The following MYH9 variants were observed in gnomAD, a reference collection of about 807,000 sequenced individuals.
The protein encoded by MYH9 is myosin heavy chain 9, also known as myosin-9.
MYH9 carries 29 observed loss-of-function variants against 241.9 expected under a neutral mutation model. The ratio of observed to expected loss-of-function variants is 0.12; its 90% CI spans 0.09 to 0.16. The LOEUF (loss-of-function observed/expected upper bound fraction) is 0.16, where lower values mean the gene tolerates loss of function less well. Among genes scored for constraint, MYH9 ranks in the 10% least tolerant of loss-of-function variants. MYH9 has a pLI of 1.00. For synonymous variants in MYH9, 1,047 were observed against 1,062.6 expected, an observed-to-expected ratio of 0.99 and a Z score of 0.29; for missense variants, 1,803 against 2,595.5, an observed-to-expected ratio of 0.69 and a Z score of 6.63.
intron 5 of MYH9, among the ~76,000 whole-genome samples, chr22:36,323,195 C>T (rs946331543): frequency 6.6e-6 from 1 of 152,218 alleles, no homozygotes; most frequent in African/African-American, 2.4e-5. Context: ...CTTCTTATCC[C>T]TGGATCCCCA....
intron 13 of MYH9, among the ~76,000 whole-genome samples, chr22:36,312,439 C>T (rs951676077): frequency 6.6e-6 from 1 of 152,194 alleles, no homozygotes; most frequent in Admixed American, 6.5e-5. Context: ...GGATCCATCG[C>T]GGTGGTTCTC....
rs142552486 is a variant in MYH9, at chr22:36,283,404, G to A, written c.5766-619C>T. Among the ~76,000 whole-genome samples, 479 of 151,926 alleles carry A rather than the reference G, an allele frequency of 3.2e-3. 4 individuals carry two copies. The highest frequency in any genetic ancestry group is 8.6e-3 in the African/African-American group (358 of 41,406). The stretch of plus-strand genomic sequence containing the variant: ...ATACAAAAATTAGCCGGGCATAGTG[G>A]TGCATGCCTGTAATCCCAGCTACTC... On this transcript the variant is annotated intron_variant, in intron 40 of 40. Transcript: ENST00000216181.
intron 1 of MYH9, among the ~76,000 whole-genome samples, chr22:36,361,859 C>T (rs905112874): frequency 6.6e-6 from 1 of 152,204 alleles, no homozygotes; most frequent in Non-Finnish European, 1.5e-5. Flanking sequence ...ATCACGAGGT[C>T]AGGAGTTCAA....
At chr22:36,315,203 A>T (rs771769024) in intron 12 of MYH9, among the ~76,000 whole-genome samples, 1 of 152,202 alleles carries the variant, frequency 6.6e-6, no homozygotes, top group Non-Finnish European at 1.5e-5. Context: ...ACACGAAAAC[A>T]TCTGATTTCT....
chr22:36,373,428 C>T (rs2018118426), intron 1 of MYH9, among the ~76,000 whole-genome samples: 1 of 152,230 alleles, frequency 6.6e-6, no homozygotes, highest in Non-Finnish European at 1.5e-5. Flanking sequence ...ACGGCGGAGG[C>T]GGGGTGAACA....
rs767235227 is a variant in MYH9 at position 36,293,798 on chromosome 22, C to G, written c.3903G>C (p.Lys1301Asn). The change falls in exon 29 of 41, where the codon AAG becomes AAC. Residue 1301 changes from lysine to asparagine, a missense_variant. Lys to Asn is a moderately conservative substitution (Grantham distance 94). Coordinates refer to ENST00000216181, the MANE Select transcript of MYH9 (RefSeq NM_002473.6). This position sits in a 1 kb window ranked among gnomAD's most constrained non-coding sequence, Gnocchi z 5.1. ...QSDSKSSKLT[K>N]DFSALESQLQ... is the part of the protein sequence containing the mutation. ...GCTGGGACTCCAGCGCGGAGAAGTC[C>G]TTGGTGAGCTTGCTGGACTTGCTGT... The G allele has an allele frequency of 9.3e-6, 15 of 1,613,880 alleles. 1 individual carries two copies. Among genetic ancestry groups the G allele is most frequent in the Non-Finnish European group, 1.3e-5 (15 of 1,180,030 alleles).
chr22:36,301,784 T>C (rs946232841), intron 20 of MYH9, 119 bp from the exon 21 acceptor site: 6 of 1,388,872 alleles, frequency 4.3e-6, no homozygotes, highest in Non-Finnish European at 6.0e-6. Context: ...GAAGACACGC[T>C]GTGGTGGGGG....
rs1376384953 is a variant in MYH9 at position 36,384,314 on chromosome 22, G to A, written c.-20+3493C>T. On this transcript the variant is annotated intron_variant, in intron 1 of 40. Coordinates refer to ENST00000216181, the MANE Select transcript of MYH9 (RefSeq NM_002473.6). ...AAACCATATATGAGCCGGGCACGGT[G>A]GCTCACACCTGTAATCTCAGCACTG... Among the ~76,000 whole-genome samples, 11 of 150,742 alleles carry A rather than the reference G, an allele frequency of 7.3e-5. 1 individual carries two copies. In the Admixed American group the frequency reaches 7.3e-4, roughly 10 times the overall value.
chr22:36,334,382 A>G (rs1179355767), intron 3 of MYH9, among the ~76,000 whole-genome samples: 1 of 152,190 alleles, frequency 6.6e-6, no homozygotes, highest in East Asian at 1.9e-4. Context: ...AGGGAACAGA[A>G]AAGTGTCTCA....
chr22:36,303,145 T>G (rs561635553), intron 19 of MYH9, among the ~76,000 whole-genome samples: 6 of 152,156 alleles, frequency 3.9e-5, no homozygotes, highest in South Asian at 4.2e-4. Context: ...GGAGGGCTTT[T>G]GGATAAACAA....
chr22:36,294,819 G>T, intron 27 of MYH9, 113 bp downstream of exon 27: 1 of 1,460,622 alleles, frequency 6.8e-7, no homozygotes, highest in Non-Finnish European at 9.4e-7. Context: ...CCTGGCCTCA[G>T]AACCAGGCAG....
rs1024361841 is a variant in MYH9 at position 36,306,484 on chromosome 22, T to C, written c.1967A>G (p.Lys656Arg). 12 of 1,614,014 alleles carry C rather than the reference T, an allele frequency of 7.4e-6. No individual in the cohort carries two copies. The highest frequency in any genetic ancestry group is 9.3e-6 in the Non-Finnish European group (11 of 1,180,046). Residue 656 changes from lysine (K) to arginine (R), a missense_variant, in exon 16 of 41, where the codon AAG (lysine) becomes AGG (arginine). Transcript: ENST00000216181. The surrounding 1 kb of genome is among the most constrained non-coding windows in gnomAD (Gnocchi z 4.1). ...VGQLYKEQLA[K>R]LMATLRNTNP... ...CGTGTTCCTCAGCGTAGCCATCAGC[T>C]TGGCCAGCTGCTCCTTGTAAAGCTG...
chr22:36,348,837 A>ACACCC, intron 2 of MYH9, 67 bp downstream of exon 2: 5 of 539,150 alleles, frequency 9.3e-6, no homozygotes, highest in South Asian at 6.7e-5. Context: ...TGATGGGAAG[A>ACACCC]CCCGCCCCCC....
In MYH9 at chr22:36,284,491, T is replaced by C; in HGVS notation, c.5504A>G (p.Lys1835Arg). Residue 1835 changes from lysine to arginine, a missense_variant, in exon 39 of 41, where the codon AAA (lysine) becomes AGA (arginine). By Grantham distance (26) the Lys-to-Arg change is conservative (BLOSUM62 2). Transcript: ENST00000216181. ...NETKERQAACKQVRRTEKKLK... is the reference protein window; with the variant it reads ...NETKERQAACRQVRRTEKKLK... ...CTTCTTCTCGGTCCGACGCACCTGT[T>C]TGCAGGCTGCCTGGCGCTCCCTGCA... The C allele has an allele frequency of 2.5e-6, 4 of 1,613,070 alleles. No individual in the cohort carries two copies. The highest frequency in any genetic ancestry group is 1.7e-5 in the Admixed American group (1 of 60,034).
chr22:36,288,242 C>T lies in MYH9; in HGVS notation c.4932+10G>A. On this transcript the variant is annotated intron_variant, in intron 34 of 40. Coordinates refer to ENST00000216181, the MANE Select transcript of MYH9 (RefSeq NM_002473.6). This position sits in a 1 kb window ranked among gnomAD's most constrained non-coding sequence, Gnocchi z 4.8. ...CCGCCCACCCTCACCTGGGCCCCGCCCACCCTTACCTGCAGCTTCCGCAGC... is the reference window on the plus strand; with the variant it reads ...CCGCCCACCCTCACCTGGGCCCCGCTCACCCTTACCTGCAGCTTCCGCAGC... 6.2e-7 allele frequency: 1 copy of T among 1,613,636 alleles called. No individual in the cohort carries two copies. Among genetic ancestry groups the T allele is most frequent in the Non-Finnish European group, 8.5e-7 (1 of 1,179,980 alleles).
chr22:36,372,827 C>T lies in MYH9; in HGVS notation c.-20+14980G>A, dbSNP rs1008370146. ...CCATAAGCAAACGACTTCTCTCCTG[C>T]TGTCTAGGAAGACAGCAGAATTCAG... On this transcript the variant is annotated intron_variant, in intron 1 of 40. Coordinates refer to ENST00000216181, the MANE Select transcript of MYH9 (RefSeq NM_002473.6). 4.6e-5 allele frequency among the ~76,000 whole-genome samples: 7 copies of T among 152,164 alleles called. No individual in the cohort carries two copies. In the South Asian group the frequency reaches 1.0e-3, roughly 23 times the overall value.
intron 1 of MYH9, among the ~76,000 whole-genome samples, chr22:36,351,898 A>G (rs2017770644): frequency 6.6e-6 from 1 of 152,036 alleles, no homozygotes; most frequent in Non-Finnish European, 1.5e-5. Flanking sequence ...CAGAAGGGGC[A>G]GGGGATGGTT....
At position 36,348,846 on chromosome 22, in the gene MYH9, C is replaced by CTA; in HGVS notation, c.333+57_333+58insTA. ...TGAGGGTGATGGGAAGACCCGCCCC[C>CTA]CCCCCCCACCTCGGAGCCCTCAGAC... On this transcript the variant is annotated intron_variant, in intron 2 of 40. Transcript: ENST00000216181. 4.2e-5 allele frequency: 37 copies of CTA among 881,448 alleles called. 5 individuals carry two copies. The highest frequency in any genetic ancestry group is 6.0e-5 in the Non-Finnish European group (35 of 585,506). The allele number at this position is 881,448 out of a possible 1,614,324, so 54.6% of individuals were successfully genotyped here.
intron 2 of MYH9, among the ~76,000 whole-genome samples, chr22:36,345,170 G>A (rs1383252043): frequency 6.6e-6 from 1 of 152,088 alleles, no homozygotes; most frequent in African/African-American, 2.4e-5. Flanking sequence ...AAATTAGCCG[G>A]GTGTGGTAGT....
Sources: gnomAD v4.1 joint callset for allele counts (sites outside exome capture counted in the v4.1 genomes callset) on GRCh38, gnomAD v4.1.1 for gene constraint, Gnocchi (gnomAD v3.1) non-coding constraint, MANE v1.5 for transcripts, NCBI Gene and HGNC (gene_info 2026-07-23, HGNC 2026-07-21) for gene names.